The following UBN2 variants were observed in gnomAD, a reference collection of about 807,000 sequenced individuals.
UBN2 encodes the protein ubinuclein-2.
A neutral mutation model predicts 120.2 loss-of-function variants in UBN2; 35 were observed. The ratio of observed to expected loss-of-function variants is 0.29; its 90% CI spans 0.22 to 0.39. UBN2 has a LOEUF of 0.39. UBN2 is among the 10% of genes least tolerant of loss of function. UBN2 has a pLI of 1.00. For missense variants in UBN2, 1,693 were observed against 1,663.2 expected (o/e 1.02, Z -0.31); for synonymous variants, 661 against 648.7 (o/e 1.02, Z -0.29).
In UBN2 at chr7:139,258,636, C is replaced by G. The variant is rs753968828; in HGVS notation, c.801+11C>G. 1 of 1,582,604 alleles carries G rather than the reference C, an allele frequency of 6.3e-7. No homozygotes were observed. Among genetic ancestry groups the G allele is most frequent in the Non-Finnish European group, 8.6e-7 (1 of 1,163,528 alleles). ...CACAAGCCACCCAAGGTGAGTTTAT[C>G]AAACATTGCAACAGTACTGAGAATG... On this transcript the variant is annotated intron_variant, in intron 4 of 17. Coordinates refer to ENST00000473989, the MANE Select transcript of UBN2 (RefSeq NM_173569.4).
chr7:139,248,742 CCTCT>C (rs370735982), intron 2 of UBN2, among the ~76,000 whole-genome samples: 6 of 151,740 alleles, frequency 4.0e-5, no homozygotes, highest in African/African-American at 1.4e-4. Context: ...TAGATCTCTT[CCTCT>C]CTCTCTCAGT....
Position 139,295,421 on chromosome 7 carries a change from C to T in UBN2, c.3994+1440C>T, listed in dbSNP as rs138216009. Among the ~76,000 whole-genome samples, 330 of 152,120 alleles carry T rather than the reference C, an allele frequency of 2.2e-3. 2 individuals are homozygous for T. The highest frequency in any genetic ancestry group is 7.5e-3 in the African/African-American group (310 of 41,496). ...AGACAGCTGCTTGGTATAATGAATC[C>T]AGCTGAGGGTAGTGTACTCATGGGC... is the stretch of plus-strand genomic sequence containing the variant. On this transcript the variant is annotated intron_variant, in intron 17 of 17. Coordinates refer to ENST00000473989, the MANE Select transcript of UBN2 (RefSeq NM_173569.4).
At chr7:139,252,420 A>G (rs1796647058) in intron 3 of UBN2, among the ~76,000 whole-genome samples, 1 of 152,230 alleles carries the variant, frequency 6.6e-6, no homozygotes. Context: ...GATAATACCT[A>G]AAGAATTAGC....
At chr7:139,235,165 GTTTATA>G (rs1230262550) in intron 1 of UBN2, among the ~76,000 whole-genome samples, 4 of 152,028 alleles carry the variant, frequency 2.6e-5, no homozygotes, top group Admixed American at 2.6e-4. Context: ...AGATCCATGT[GTTTATA>G]TTTATACATA....
At chr7:139,269,594 G>A (rs764570596) in intron 8 of UBN2, 71 bp downstream of exon 8, 138 of 1,514,382 alleles carry the variant, frequency 9.1e-5, no homozygotes, top group Non-Finnish European at 1.1e-4. Flanking sequence ...TCTGTTTGGG[G>A]CCTTTGCACA....
Position 139,301,057 on chromosome 7 carries a change from G to A in UBN2, c.*3221G>A, listed in dbSNP as rs975016078. On this transcript the variant is annotated 3_prime_UTR_variant, in exon 18 of 18. Transcript: ENST00000473989. ...AAATTCTGATACTTTGCGGAAATTA[G>A]AAGATGGTGATAGTGCATTCTTTTG... 6.6e-6 allele frequency: 1 copy of A among 152,188 alleles called. No individual in the cohort carries two copies. The highest frequency in any genetic ancestry group is 2.4e-5 in the African/African-American group (1 of 41,434). 9.4% of individuals were successfully genotyped at this position (152,188 alleles called of 1,614,324 possible).
chr7:139,314,959 A>T, the UBN2 span, among the ~76,000 whole-genome samples: 132 of 150,922 alleles, frequency 8.7e-4, no homozygotes, highest in African/African-American at 3.2e-3. Flanking sequence ...TATCTTTTTG[A>T]TATAATAATA....
intron 15 of UBN2, among the ~76,000 whole-genome samples, chr7:139,286,273 G>C (rs1797783495): frequency 6.6e-6 from 1 of 151,918 alleles, no homozygotes; most frequent in Non-Finnish European, 1.5e-5. Flanking sequence ...CATGTTGACT[G>C]GGCTGGTCTC....
chr7:139,235,630 C>T (rs1036486571), intron 1 of UBN2, among the ~76,000 whole-genome samples: 1 of 152,160 alleles, frequency 6.6e-6, no homozygotes, highest in Admixed American at 6.5e-5. Context: ...TGGTCTTGAA[C>T]TCTTGACCTC....
intron 17 of UBN2, 82 bp from the exon 18 acceptor site, chr7:139,297,700 AAAGTT>A: frequency 2.4e-6 from 3 of 1,228,492 alleles, no homozygotes; most frequent in South Asian, 1.3e-5. Flanking sequence ...ACAAAAGATA[AAAGTT>A]AATTGTTGTT....
chr7:139,238,329 A>G (rs1203140545), intron 2 of UBN2, among the ~76,000 whole-genome samples: 1 of 152,172 alleles, frequency 6.6e-6, no homozygotes, highest in African/African-American at 2.4e-5. Context: ...GAAGTAGATG[A>G]GAATAGATTG....
chr7:139,286,139 G>T (rs1248085024), intron 15 of UBN2, among the ~76,000 whole-genome samples: 1 of 152,154 alleles, frequency 6.6e-6, no homozygotes, highest in Non-Finnish European at 1.5e-5. Flanking sequence ...TGTTGGCCAG[G>T]CTGATCTTGA....
chr7:139,259,158 G>T, intron 4 of UBN2, 109 bp from the exon 5 acceptor site: 1 of 1,477,942 alleles, frequency 6.8e-7, no homozygotes, highest in Non-Finnish European at 9.0e-7. Context: ...ACAAACGATT[G>T]TAATGCACAC....
the UBN2 span, among the ~76,000 whole-genome samples, chr7:139,329,612 GT>G: frequency 5.9e-5 from 9 of 152,112 alleles, no homozygotes; most frequent in Non-Finnish European, 1.3e-4. Flanking sequence ...GGAGTTTTTA[GT>G]TATCATAGCT....
At chr7:139,275,680 T>G (rs1797422437) in intron 11 of UBN2, among the ~76,000 whole-genome samples, 1 of 152,146 alleles carries the variant, frequency 6.6e-6, no homozygotes, top group Non-Finnish European at 1.5e-5. Flanking sequence ...AGAAAAGATC[T>G]GTTGGCCAGG....
intron 7 of UBN2, 55 bp from the exon 8 acceptor site, chr7:139,269,339 A>G (rs1797193416): frequency 6.4e-7 from 1 of 1,568,260 alleles, no homozygotes. Flanking sequence ...TTGTCTGTGC[A>G]ATGCCACCTA....
At chr7:139,264,514 G>A (rs911393703) in intron 6 of UBN2, among the ~76,000 whole-genome samples, 3 of 152,188 alleles carry the variant, frequency 2.0e-5, no homozygotes, top group African/African-American at 7.2e-5. Flanking sequence ...GTAGAAGTCT[G>A]CAACTTCAAT....
intron 6 of UBN2, among the ~76,000 whole-genome samples, chr7:139,263,540 G>A (rs961266767): frequency 4.6e-5 from 7 of 152,088 alleles, no homozygotes; most frequent in East Asian, 3.8e-4. Context: ...TTGGGAGGCC[G>A]AGGTGGGCGG....
At chr7:139,326,012 GAAACCCCATCTCT>G in the UBN2 span, among the ~76,000 whole-genome samples, 1 of 151,344 alleles carries the variant, frequency 6.6e-6, no homozygotes, top group Non-Finnish European at 1.5e-5. Flanking sequence ...TCAACATGGA[GAAACCCCATCTCT>G]ACTAAAAGTA....
Sources: gnomAD v4.1 joint callset for allele counts (sites outside exome capture counted in the v4.1 genomes callset) on GRCh38, gnomAD v4.1.1 for gene constraint, MANE v1.5 for transcripts, NCBI Gene and HGNC (gene_info 2026-07-23, HGNC 2026-07-21) for gene names.